The following UBE2W variants were observed in gnomAD, a reference collection of about 807,000 sequenced individuals.
UBE2W encodes ubiquitin-conjugating enzyme E2 W.
Under a neutral mutation model 27.2 loss-of-function variants are expected in UBE2W, and 18 were observed. That is an observed-to-expected ratio of 0.66 (90% confidence interval 0.46 to 0.98). The LOEUF is 0.98. Ranked by LOEUF, UBE2W falls within the 50% of genes least tolerant of loss-of-function variation. The probability of loss-of-function intolerance (pLI) is 0.00; values close to 1 mark genes in which losing one functional copy is unlikely to be tolerated. For missense variants in UBE2W, 90 were observed against 180.2 expected, an observed-to-expected ratio of 0.50 and a Z score of 2.87; for synonymous variants, 53 against 57.2, an observed-to-expected ratio of 0.93 and a Z score of 0.33.
chr8:73,818,104 A>T (rs1308818808), intron 3 of UBE2W, among the ~76,000 whole-genome samples: 1 of 152,212 alleles, frequency 6.6e-6, no homozygotes, highest in Non-Finnish European at 1.5e-5. Context: ...TTGCCCCCTT[A>T]GAATATTCTA....
chr8:73,813,083 CAAAAAA>C lies in UBE2W; in HGVS notation c.211-2460_211-2455del, dbSNP rs56094830. Among the ~76,000 whole-genome samples, 12 of 43,460 alleles carry C rather than the reference CAAAAAA, an allele frequency of 2.8e-4. 1 individual carries two copies. The highest frequency in any genetic ancestry group is 1.2e-3 in the South Asian group (1 of 820). 28.5% of individuals were successfully genotyped at this position (43,460 alleles called of 152,430 possible). A position where few individuals can be genotyped will look rare whatever the true frequency, so the allele number is the denominator to read the frequency against. On this transcript the variant is annotated intron_variant, in intron 3 of 5. Transcript: ENST00000602593. Reference sequence around the variant, plus strand: ...GAAGAATAGTGATCTGAAAGTGCCACAAAAAAAAAAAAAAAAAAAAAAAAAAGAACA... The same window carrying C: ...GAAGAATAGTGATCTGAAAGTGCCACAAAAAAAAAAAAAAAAAAAAGAACA...
chr8:73,814,890 T>C (rs532096199), intron 3 of UBE2W, among the ~76,000 whole-genome samples: 223 of 152,276 alleles, frequency 1.5e-3, no homozygotes, highest in Admixed American at 2.4e-3. Flanking sequence ...CAAAAGCAAG[T>C]GAGAGCTAAG....
At position 73,840,817 on chromosome 8, in the gene UBE2W, G is replaced by A. The variant is rs139665243; in HGVS notation, c.16-10345C>T. Among the ~76,000 whole-genome samples, 519 of 152,252 alleles carry A rather than the reference G, an allele frequency of 3.4e-3. 4 individuals carry two copies. Among genetic ancestry groups the A allele is most frequent in the Non-Finnish European group, 5.4e-3 (368 of 68,018 alleles). ...AAATGGACACACAGAGTTCAAACTC[G>A]TGTTGTTTCAAGGCTCTACTGTACT... On this transcript the variant is annotated intron_variant, in intron 1 of 5. Coordinates refer to ENST00000602593, the MANE Select transcript of UBE2W (RefSeq NM_018299.6).
In UBE2W at chr8:73,861,323, G is replaced by A. The variant is rs1411092195; in HGVS notation, c.15+17485C>T. Among the ~76,000 whole-genome samples, 3 of 152,204 alleles carry A rather than the reference G, an allele frequency of 2.0e-5. No individual in the cohort carries two copies. In the East Asian group the frequency reaches 5.8e-4, roughly 29 times the overall value. ...TAGTGAACTGATAAGTTCAGCATAG[G>A]TTGTAGAATGAGAGATACAAGGACT... On this transcript the variant is annotated intron_variant, in intron 1 of 5. Coordinates refer to ENST00000602593, the MANE Select transcript of UBE2W (RefSeq NM_018299.6).
chr8:73,818,586 TCTGA>T (rs538539986), intron 3 of UBE2W, among the ~76,000 whole-genome samples: 203 of 152,336 alleles, frequency 1.3e-3, no homozygotes, highest in Non-Finnish European at 2.0e-3. Flanking sequence ...AAATGATCTC[TCTGA>T]CTAATACAGT....
In UBE2W at chr8:73,789,598, C is replaced by T. The variant is rs1205132410; in HGVS notation, c.*4504G>A. 6.6e-6 allele frequency: 1 copy of T among 152,314 alleles called. No individual in the cohort carries two copies. The highest frequency in any genetic ancestry group is 2.4e-5 in the African/African-American group (1 of 41,402). 9.4% of individuals were successfully genotyped at this position (152,314 alleles called of 1,614,324 possible). On this transcript the variant is annotated 3_prime_UTR_variant, in exon 6 of 6. Coordinates refer to ENST00000602593, the MANE Select transcript of UBE2W (RefSeq NM_018299.6). ...TGGTGGGTCATGCCTGTAATCGCAG[C>T]ACTTTGGGAGGCTGAGGTGGGCAGA...
intron 1 of UBE2W, among the ~76,000 whole-genome samples, chr8:73,851,141 A>G (rs1196493337): frequency 6.6e-6 from 1 of 151,602 alleles, no homozygotes; most frequent in African/African-American, 2.4e-5. Flanking sequence ...GTAAGACACC[A>G]TGCCCAGCGT....
At chr8:73,824,616 G>A (rs1271926317) in intron 3 of UBE2W, among the ~76,000 whole-genome samples, 2 of 152,218 alleles carry the variant, frequency 1.3e-5, no homozygotes, top group Non-Finnish European at 2.9e-5. Flanking sequence ...CATGGATGGG[G>A]TTGGGGATTG....
At chr8:73,857,436 AATGT>A (rs1811348338) in intron 1 of UBE2W, among the ~76,000 whole-genome samples, 1 of 128,868 alleles carries the variant, frequency 7.8e-6, no homozygotes, top group Non-Finnish European at 1.7e-5. Flanking sequence ...AAAATATAAT[AATGT>A]ATTATAAAAG....
intron 5 of UBE2W, among the ~76,000 whole-genome samples, chr8:73,797,914 G>T (rs1389844667): frequency 6.6e-6 from 1 of 152,140 alleles, no homozygotes; most frequent in East Asian, 1.9e-4. Flanking sequence ...GTATCAACAT[G>T]ACACCACAAG....
chr8:73,786,130 GTATT>G (rs1449803951), downstream of UBE2W: 5 of 770,182 alleles, frequency 6.5e-6, no homozygotes, highest in Non-Finnish European at 7.9e-6. Flanking sequence ...TTCCTGAGAT[GTATT>G]TAGTTTAAAA....
At chr8:73,813,143 T>C (rs1245718695) in intron 3 of UBE2W, among the ~76,000 whole-genome samples, 1 of 97,062 alleles carries the variant, frequency 1.0e-5, no homozygotes, top group East Asian at 3.7e-4. Flanking sequence ...TTGGCAAAAC[T>C]GAATCACCAA....
intron 3 of UBE2W, among the ~76,000 whole-genome samples, chr8:73,815,510 T>C (rs1809347378): frequency 1.3e-5 from 2 of 152,254 alleles, no homozygotes; most frequent in African/African-American, 4.8e-5. Flanking sequence ...TGTACACTTC[T>C]ATATGTTTAT....
At chr8:73,826,978 T>C (rs1051621128) in intron 2 of UBE2W, among the ~76,000 whole-genome samples, 5 of 152,342 alleles carry the variant, frequency 3.3e-5, no homozygotes, top group African/African-American at 9.6e-5. Context: ...TTTCTTATTT[T>C]TCCACCCACA....
intron 1 of UBE2W, among the ~76,000 whole-genome samples, chr8:73,849,238 G>A (rs1380540921): frequency 1.3e-5 from 2 of 152,006 alleles, no homozygotes; most frequent in Non-Finnish European, 1.5e-5. Flanking sequence ...TAGGCCAGGA[G>A]CGGTGGCTCA....
At position 73,822,619 on chromosome 8, in the gene UBE2W, A is replaced by T. The variant is rs906866409; in HGVS notation, c.210+2528T>A. The stretch of plus-strand genomic sequence containing the variant: ...TGCAACTGCAAAAAAAAAAAAAAAA[A>T]AAAAAAAAAAAAAAATTAGCTGGGT... On this transcript the variant is annotated intron_variant, in intron 3 of 5. Coordinates refer to ENST00000602593, the MANE Select transcript of UBE2W (RefSeq NM_018299.6). Among the ~76,000 whole-genome samples, 86 of 146,770 alleles carry T rather than the reference A, an allele frequency of 5.9e-4. 1 individual carries two copies. The highest frequency in any genetic ancestry group is 1.7e-3 in the African/African-American group (67 of 40,316).
intron 1 of UBE2W, among the ~76,000 whole-genome samples, chr8:73,873,944 C>T (rs990095293): frequency 6.6e-6 from 1 of 152,072 alleles, no homozygotes; most frequent in African/African-American, 2.4e-5. Context: ...TAAGACACAA[C>T]GTAACAGGAG....
chr8:73,802,772 C>T (rs1220769366), intron 5 of UBE2W, among the ~76,000 whole-genome samples: 1 of 152,118 alleles, frequency 6.6e-6, no homozygotes, highest in Non-Finnish European at 1.5e-5. Context: ...GCCTGTAATC[C>T]CAGCACTTTG....
At chr8:73,866,292 T>A (rs924606205) in intron 1 of UBE2W, among the ~76,000 whole-genome samples, 1,620 of 71,192 alleles carry the variant, frequency 0.023, 21 homozygotes, top group Non-Finnish European at 0.029. Flanking sequence ...AAAAAAAAAA[T>A]ATATATATAT....
Sources: allele counts gnomAD v4.1 joint callset (sites outside exome capture counted in the v4.1 genomes callset), GRCh38; gene constraint gnomAD v4.1.1; transcripts MANE v1.5; gene names NCBI Gene and HGNC (gene_info 2026-07-23, HGNC 2026-07-21).